The following CAMTA1 variants were observed in gnomAD, a reference collection of about 807,000 sequenced individuals.
The protein encoded by CAMTA1 is calmodulin-binding transcription activator 1.
In CAMTA1, 27 loss-of-function variants were observed where a neutral mutation model predicts 170.9. That is an observed-to-expected ratio of 0.16 (90% CI 0.12 to 0.22). CAMTA1 has a LOEUF of 0.22. Ranked by LOEUF, CAMTA1 falls within the 10% of genes least tolerant of loss-of-function variation. The pLI is 1.00. For missense variants in CAMTA1, 1,619 were observed against 2,217.2 expected (o/e 0.73, Z 5.42); for synonymous variants, 833 against 891.5 (o/e 0.93, Z 1.17).
At chr1:7,203,278 T>C (rs1305170817) in intron 4 of CAMTA1, among the ~76,000 whole-genome samples, 1 of 152,188 alleles carries the variant, frequency 6.6e-6, no homozygotes, top group Non-Finnish European at 1.5e-5. Flanking sequence ...TTTTTATCCA[T>C]ACCCATAAGA....
At chr1:6,824,989 C>G (rs1646945316) in intron 2 of CAMTA1, 103 bp from the exon 3 acceptor site, 1 of 616,016 alleles carries the variant, frequency 1.6e-6, no homozygotes, top group South Asian at 2.3e-5. Context: ...TGCTCTTGGT[C>G]TCACATTGAC....
intron 3 of CAMTA1, among the ~76,000 whole-genome samples, chr1:6,917,562 TG>T (rs1223604322): frequency 1.9e-5 from 1 of 52,890 alleles, no homozygotes; most frequent in Non-Finnish European, 3.9e-5. Flanking sequence ...ACATTGAGGG[TG>T]GGGGGAAGGG....
chr1:7,256,820 T>C (rs1667447915), intron 5 of CAMTA1, among the ~76,000 whole-genome samples: 2 of 152,010 alleles, frequency 1.3e-5, no homozygotes, highest in Admixed American at 1.3e-4. Flanking sequence ...CATTTTGGTG[T>C]CTGGCGAGGG....
chr1:6,813,599 G>A (rs1645437309), intron 1 of CAMTA1, among the ~76,000 whole-genome samples: 1 of 151,874 alleles, frequency 6.6e-6, no homozygotes, highest in Admixed American at 6.6e-5. Context: ...TGGACTGAGA[G>A]GTCGTATTTA....
At chr1:7,591,144 A>T (rs575331579) in intron 6 of CAMTA1, among the ~76,000 whole-genome samples, 2 of 152,330 alleles carry the variant, frequency 1.3e-5, no homozygotes, top group African/African-American at 2.4e-5. Flanking sequence ...CGGGCGCTGC[A>T]GCAAACCCTA....
intron 3 of CAMTA1, among the ~76,000 whole-genome samples, chr1:6,896,135 T>C (rs17030044): frequency 0.065 from 9,909 of 152,166 alleles, 350 homozygotes; most frequent in Middle Eastern, 0.099. Context: ...TTTGAACCGT[T>C]TGGGAAAAAA....
intron 4 of CAMTA1, among the ~76,000 whole-genome samples, chr1:7,237,086 G>A (rs965273525): frequency 6.6e-6 from 1 of 152,178 alleles, no homozygotes; most frequent in Non-Finnish European, 1.5e-5. Flanking sequence ...TGGCAGGAGC[G>A]ATAGGACCAA....
chr1:7,142,367 T>C (rs1379579422), intron 4 of CAMTA1, among the ~76,000 whole-genome samples: 1 of 152,178 alleles, frequency 6.6e-6, no homozygotes, highest in African/African-American at 2.4e-5. Flanking sequence ...AAAGCAGTGG[T>C]CCACGAACTG....
At chr1:6,991,039 G>A (rs202204399) in intron 3 of CAMTA1, among the ~76,000 whole-genome samples, 1 of 151,940 alleles carries the variant, frequency 6.6e-6, no homozygotes, top group East Asian at 1.9e-4. Flanking sequence ...ATTCATCTGT[G>A]TTGTTGCAAG....
intron 6 of CAMTA1, among the ~76,000 whole-genome samples, chr1:7,548,508 G>T (rs1349183007): frequency 6.7e-6 from 1 of 148,546 alleles, no homozygotes; most frequent in Non-Finnish European, 1.5e-5. Context: ...AGGGGTGGAG[G>T]TGCTGGTGGA....
chr1:7,627,130 G>A (rs887159516), intron 6 of CAMTA1, among the ~76,000 whole-genome samples: 4 of 152,110 alleles, frequency 2.6e-5, no homozygotes, highest in Admixed American at 6.6e-5. Context: ...GATATTTTTC[G>A]GGAAAATGGA....
chr1:7,546,633 G>A (rs1481200584), intron 6 of CAMTA1, among the ~76,000 whole-genome samples: 5 of 152,096 alleles, frequency 3.3e-5, no homozygotes, highest in Admixed American at 2.6e-4. Flanking sequence ...GTGTAACAGC[G>A]TTTCTTCTTG....
chr1:6,835,021 C>T (rs992362142), intron 3 of CAMTA1, among the ~76,000 whole-genome samples: 5 of 152,142 alleles, frequency 3.3e-5, no homozygotes, highest in African/African-American at 7.2e-5. Context: ...TTCATCACCC[C>T]GCAGCCTTCT....
At chr1:7,115,798 G>A (rs11120852) in intron 4 of CAMTA1, among the ~76,000 whole-genome samples, 47,128 of 151,804 alleles carry the variant, frequency 0.31, 7,830 homozygotes, top group Middle Eastern at 0.39. Context: ...AAAGACTCAC[G>A]TCCCCATGCA....
chr1:7,218,127 G>A (rs1439709755), intron 4 of CAMTA1, among the ~76,000 whole-genome samples: 1 of 152,106 alleles, frequency 6.6e-6, no homozygotes, highest in East Asian at 1.9e-4. Context: ...CTCCATCCTT[G>A]CCCCACCTTC....
At chr1:6,798,153 G>T (rs1437039911) in intron 1 of CAMTA1, among the ~76,000 whole-genome samples, 1 of 151,692 alleles carries the variant, frequency 6.6e-6, no homozygotes, top group Non-Finnish European at 1.5e-5. Flanking sequence ...TGAACACCAC[G>T]CTGGGCTAAT....
At chr1:6,961,800 A>T (rs1001417846) in intron 3 of CAMTA1, among the ~76,000 whole-genome samples, 1 of 152,158 alleles carries the variant, frequency 6.6e-6, no homozygotes, top group Non-Finnish European at 1.5e-5. Flanking sequence ...CGAGGACTAG[A>T]CTGATTCTTT....
rs1650199733 is a variant in CAMTA1, at chr1:7,173,916, A to G, written c.303-75575A>G. 6.6e-6 allele frequency among the ~76,000 whole-genome samples: 1 copy of G among 152,164 alleles called. No homozygotes were observed. Among genetic ancestry groups the G allele is most frequent in the African/African-American group, 2.4e-5 (1 of 41,442 alleles). The stretch of plus-strand genomic sequence containing the variant: ...ACTCAACAGGACCCAGCAGGTACCA[A>G]CAAAACCTAGTGGAACTCAGAGGGG... On this transcript the variant is annotated intron_variant, in intron 4 of 22. Coordinates refer to ENST00000303635, the MANE Select transcript of CAMTA1 (RefSeq NM_015215.4). The surrounding 1 kb of genome is among the most constrained non-coding windows in gnomAD (Gnocchi z 5.4).
chr1:7,150,834 T>C (rs1351735826), intron 4 of CAMTA1, among the ~76,000 whole-genome samples: 1 of 152,168 alleles, frequency 6.6e-6, no homozygotes, highest in Non-Finnish European at 1.5e-5. Context: ...GAAGTGTATT[T>C]TCCCTCTGAT....
Sources: allele counts gnomAD v4.1 joint callset (sites outside exome capture counted in the v4.1 genomes callset), GRCh38; gene constraint gnomAD v4.1.1; non-coding constraint Gnocchi (gnomAD v3.1); transcripts MANE v1.5; gene names NCBI Gene and HGNC (gene_info 2026-07-23, HGNC 2026-07-21).